Variants in TM4SF1 observed in about 807,000 individuals in gnomAD.
TM4SF1 encodes transmembrane 4 L6 family member 1.
TM4SF1 carries 20 observed loss-of-function variants against 24.5 expected under a neutral mutation model. The ratio of observed to expected loss-of-function variants is 0.82; its 90% CI spans 0.57 to 1.19. The LOEUF (loss-of-function observed/expected upper bound fraction) is 1.19, where lower values mean the gene tolerates loss of function less well. Ranked by LOEUF, TM4SF1 falls within the 50% of genes most tolerant of loss-of-function variation. The pLI, the probability that TM4SF1 is intolerant of heterozygous loss-of-function variation, is 0.00. For synonymous variants in TM4SF1, 107 were observed against 95.4 expected, an observed-to-expected ratio of 1.12 and a Z score of -0.71; for missense variants, 258 against 248.1, an observed-to-expected ratio of 1.04 and a Z score of -0.27.
intron 4 of TM4SF1, chr3:149,370,411 A>G (rs1029096249): frequency 2.0e-5 from 3 of 152,932 alleles, no homozygotes; most frequent in Non-Finnish European, 4.4e-5. Flanking sequence ...AGAGGAGAGT[A>G]TCATTCCCTG....
chr3:149,373,629 A>G (rs1226935733), intron 3 of TM4SF1, among the ~76,000 whole-genome samples: 1 of 152,152 alleles, frequency 6.6e-6, no homozygotes, highest in Non-Finnish European at 1.5e-5. Flanking sequence ...ACAAAAATCT[A>G]TATTTTCAGG....
chr3:149,372,195 T>C (rs966276114), intron 3 of TM4SF1, among the ~76,000 whole-genome samples: 1 of 152,248 alleles, frequency 6.6e-6, no homozygotes, highest in Non-Finnish European at 1.5e-5. Context: ...ACTGTATTTG[T>C]GCTGTGTTTA....
In TM4SF1 at chr3:149,371,987, T is replaced by C. The variant is rs369709424; in HGVS notation, c.414-120A>G. 9 of 962,012 alleles carry C rather than the reference T, an allele frequency of 9.4e-6. No homozygotes were observed. In the East Asian group the frequency reaches 2.1e-4, roughly 22 times the overall value. The allele number at this position is 962,012 out of a possible 1,614,324, so 59.6% of individuals were successfully genotyped here. A position where few individuals can be genotyped will look rare whatever the true frequency, so the allele number is the denominator to read the frequency against. On this transcript the variant is annotated intron_variant, in intron 3 of 4. Coordinates refer to ENST00000305366, the MANE Select transcript of TM4SF1 (RefSeq NM_014220.3). ...GGAATGAATTATTCAATATCCTGTG[T>C]AAGTTTCTTCCACTGCATGTCATTC...
intron 3 of TM4SF1, among the ~76,000 whole-genome samples, chr3:149,372,716 CAGGT>C (rs1731856798): frequency 6.6e-6 from 1 of 152,136 alleles, no homozygotes; most frequent in African/African-American, 2.4e-5. Context: ...CTCTACGTCC[CAGGT>C]TCAAGCCATT....
intron 4 of TM4SF1, chr3:149,371,382 T>G: frequency 1.8e-6 from 1 of 553,670 alleles, no homozygotes; most frequent in South Asian, 2.4e-5. Flanking sequence ...CACTTTTTTT[T>G]CTGTCTCTGC....
At chr3:149,376,091 T>A (rs1731945220) in intron 1 of TM4SF1, among the ~76,000 whole-genome samples, 2 of 152,230 alleles carry the variant, frequency 1.3e-5, no homozygotes, top group African/African-American at 4.8e-5. Flanking sequence ...TTTGGAAATA[T>A]TAAACCCTTT....
intron 1 of TM4SF1, among the ~76,000 whole-genome samples, chr3:149,376,460 T>C (rs766376778): frequency 1.3e-5 from 2 of 152,154 alleles, no homozygotes; most frequent in African/African-American, 2.4e-5. Flanking sequence ...CTTGGGCCCA[T>C]GAGTTCAAGA....
intron 3 of TM4SF1, 102 bp downstream of exon 3, chr3:149,375,341 G>A (rs574552768): frequency 6.9e-7 from 1 of 1,445,132 alleles, no homozygotes; most frequent in East Asian, 2.3e-5. Context: ...GGCTAGGTGG[G>A]TGGATGGATG....
intron 3 of TM4SF1, 44 bp from the exon 4 acceptor site, chr3:149,371,911 GGGGATAC>G: frequency 6.3e-7 from 1 of 1,583,632 alleles, no homozygotes; most frequent in Non-Finnish European, 8.6e-7. Context: ...TCATACTTGA[GGGGATAC>G]TTCATAAACT....
Position 149,369,477 on chromosome 3 carries a change from G to C in TM4SF1, c.*389C>G, listed in dbSNP as rs1425364579. The C allele has an allele frequency of 1.2e-5, 2 of 161,318 alleles. No individual in the cohort carries two copies. Among genetic ancestry groups the C allele is most frequent in the African/African-American group, 4.8e-5 (2 of 41,478 alleles). 10.0% of individuals were successfully genotyped at this position (161,318 alleles called of 1,614,324 possible). A position where few individuals can be genotyped will look rare whatever the true frequency, so the allele number is the denominator to read the frequency against. ...CAGGTTGTCGGATTTTCTCCTTCTTGGTCTTATAAAAAGCAACTAGACATC... is the reference window on the plus strand; with the variant it reads ...CAGGTTGTCGGATTTTCTCCTTCTTCGTCTTATAAAAAGCAACTAGACATC... On this transcript the variant is annotated 3_prime_UTR_variant, in exon 5 of 5. Coordinates refer to ENST00000305366, the MANE Select transcript of TM4SF1 (RefSeq NM_014220.3).
In TM4SF1 at chr3:149,375,397, A is replaced by G. The variant is rs758781027; in HGVS notation, c.413+46T>C. ...GTTTGATAGAGCTGCCACTATATAC[A>G]TGTGGTGGATAAAAATGTGTAGCCA... On this transcript the variant is annotated intron_variant, in intron 3 of 4. Transcript: ENST00000305366. The G allele has an allele frequency of 1.1e-5, 18 of 1,606,804 alleles. No homozygotes were observed. The Admixed American group carries it at 2.2e-4, about 19-fold the overall frequency.
chr3:149,369,829 T>G lies in TM4SF1; in HGVS notation c.*37A>C. Reference sequence around the variant, plus strand: ...GTGAAATATATAAATTACAATGAAATAGAGGAAGATTGTGGCTCTGTCCTG... The same window carrying G: ...GTGAAATATATAAATTACAATGAAAGAGAGGAAGATTGTGGCTCTGTCCTG... On this transcript the variant is annotated 3_prime_UTR_variant, in exon 5 of 5. Coordinates refer to ENST00000305366, the MANE Select transcript of TM4SF1 (RefSeq NM_014220.3). The G allele has an allele frequency of 6.2e-7, 1 of 1,607,332 alleles. No individual in the cohort carries two copies. The highest frequency in any genetic ancestry group is 1.3e-5 in the African/African-American group (1 of 74,588).
In TM4SF1 at chr3:149,371,813, C is replaced by T. The variant is rs1308741421; in HGVS notation, c.468G>A (p.Val156=). 1.2e-6 allele frequency: 2 copies of T among 1,613,896 alleles called. No homozygotes were observed. The highest frequency in any genetic ancestry group is 2.2e-5 in the East Asian group (1 of 44,892). The change falls in exon 4 of 5, where the codon GTG becomes GTA. Residue 156 remains valine, a synonymous_variant. Transcript: ENST00000305366. ...WSECTEPKHI[V]EWNVSLFSIL... is the part of the protein sequence containing the mutation. Reference sequence around the variant, plus strand: ...TAGAAAACAGAGATACATTCCATTCCACAATGTGCTTGGGTTCAGTGCACT... The same window carrying T: ...TAGAAAACAGAGATACATTCCATTCTACAATGTGCTTGGGTTCAGTGCACT...
Position 149,369,884 on chromosome 3 carries a change from T to C in TM4SF1, c.595-4A>G, listed in dbSNP as rs755773639. ...GGTTCTTTTAGCAGTCATATTGCTG[T>C]AGAGAAAATAAAATACCATTAGGCT... On this transcript the variant is annotated splice_region_variant and splice_polypyrimidine_tract_variant and intron_variant, in intron 4 of 4. Transcript: ENST00000305366. The C allele has an allele frequency of 6.2e-7, 1 of 1,602,774 alleles. No homozygotes were observed. The highest frequency in any genetic ancestry group is 1.8e-5 in the Admixed American group (1 of 56,696).
chr3:149,373,638 G>A (rs568108204), intron 3 of TM4SF1, among the ~76,000 whole-genome samples: 1 of 152,204 alleles, frequency 6.6e-6, no homozygotes, highest in African/African-American at 2.4e-5. Flanking sequence ...TATATTTTCA[G>A]GTCTCAATGT....
intron 4 of TM4SF1, chr3:149,370,599 A>T (rs1480002256): frequency 6.6e-6 from 1 of 152,134 alleles, no homozygotes; most frequent in East Asian, 1.9e-4. Flanking sequence ...CCCTTCCCCA[A>T]CCGTACTGCT....
At chr3:149,372,478 T>C (rs186996772) in intron 3 of TM4SF1, among the ~76,000 whole-genome samples, 79 of 152,272 alleles carry the variant, frequency 5.2e-4, no homozygotes, top group Non-Finnish European at 9.6e-4. Flanking sequence ...CTGCTGAAAA[T>C]TATCCAAATT....
intron 1 of TM4SF1, among the ~76,000 whole-genome samples, chr3:149,376,517 A>C (rs894915647): frequency 6.6e-6 from 1 of 152,212 alleles, no homozygotes; most frequent in Non-Finnish European, 1.5e-5. Flanking sequence ...AATAAAATAA[A>C]ATTAAATAAA....
At position 149,369,900 on chromosome 3, in the gene TM4SF1, C is replaced by T; in HGVS notation, c.595-20G>A. On this transcript the variant is annotated intron_variant, in intron 4 of 4. Coordinates refer to ENST00000305366, the MANE Select transcript of TM4SF1 (RefSeq NM_014220.3). ...ATATTGCTGTAGAGAAAATAAAATA[C>T]CATTAGGCTATAATCAGGATAAATA... The T allele has an allele frequency of 6.2e-7, 1 of 1,600,740 alleles. No homozygotes were observed. Among genetic ancestry groups the T allele is most frequent in the Non-Finnish European group, 8.5e-7 (1 of 1,176,222 alleles).
Sources: gnomAD v4.1 joint callset for allele counts (sites outside exome capture counted in the v4.1 genomes callset) on GRCh38, gnomAD v4.1.1 for gene constraint, MANE v1.5 for transcripts, NCBI Gene and HGNC (gene_info 2026-07-23, HGNC 2026-07-21) for gene names.